Variants in FAF1 observed in about 807,000 individuals in gnomAD.
FAF1 encodes FAS-associated factor 1.
A neutral mutation model predicts 92.5 loss-of-function variants in FAF1; 25 were observed. The ratio of observed to expected loss-of-function variants is 0.27; its 90% confidence interval spans 0.20 to 0.38. The LOEUF (loss-of-function observed/expected upper bound fraction) is 0.38, where lower values mean the gene tolerates loss of function less well. Ranked by LOEUF, FAF1 falls within the 10% of genes least tolerant of loss-of-function variation. The pLI, the probability that FAF1 is intolerant of heterozygous loss-of-function variation, is 1.00. For synonymous variants in FAF1, 234 were observed against 273.2 expected, an observed-to-expected ratio of 0.86 and a Z score of 1.42; for missense variants, 636 against 793.3, an observed-to-expected ratio of 0.80 and a Z score of 2.38.
rs959169155 is a variant in FAF1, at chr1:50,822,764, T to C, written c.115-21087A>G. 4.1e-5 allele frequency among the ~76,000 whole-genome samples: 6 copies of C among 147,204 alleles called. 1 individual carries two copies. The highest frequency in any genetic ancestry group is 1.6e-4 in the African/African-American group (6 of 38,170). ...TGGTGTTTTTTCTTTCTTTCTTTCT[T>C]TCTTTCTTTCTTTTTTTTTTTTTTT... On this transcript the variant is annotated intron_variant, in intron 2 of 18. Transcript: ENST00000396153.
At chr1:50,531,817 T>G (rs1648186704) in intron 15 of FAF1, among the ~76,000 whole-genome samples, 1 of 152,182 alleles carries the variant, frequency 6.6e-6, no homozygotes, top group South Asian at 2.1e-4. Flanking sequence ...ATAAATATGG[T>G]TCAGGCTTGG....
intron 2 of FAF1, among the ~76,000 whole-genome samples, chr1:50,830,171 G>A (rs1445467107): frequency 6.6e-6 from 1 of 152,126 alleles, no homozygotes; most frequent in Non-Finnish European, 1.5e-5. Flanking sequence ...AAGGTGGAGT[G>A]CAGTGGCATG....
At chr1:50,676,475 A>T (rs1037265888) in intron 7 of FAF1, among the ~76,000 whole-genome samples, 3 of 151,996 alleles carry the variant, frequency 2.0e-5, no homozygotes, top group African/African-American at 7.2e-5. Flanking sequence ...AAAAAAAAAG[A>T]AAAATGTAAA....
At chr1:50,721,115 C>T (rs1658392388) in intron 6 of FAF1, among the ~76,000 whole-genome samples, 1 of 152,066 alleles carries the variant, frequency 6.6e-6, no homozygotes, top group African/African-American at 2.4e-5. Flanking sequence ...TATTGCTTCC[C>T]TACAATATCA....
intron 7 of FAF1, among the ~76,000 whole-genome samples, chr1:50,681,078 G>A (rs980036521): frequency 3.3e-5 from 5 of 152,000 alleles, no homozygotes; most frequent in South Asian, 4.2e-4. Context: ...ACAGAGTCTC[G>A]CTCTGTCACT....
chr1:50,504,305 T>C (rs562400713), intron 15 of FAF1, among the ~76,000 whole-genome samples: 1 of 152,134 alleles, frequency 6.6e-6, no homozygotes, highest in Admixed American at 6.5e-5. Context: ...GATTAAGCAA[T>C]ACCTAAAGAG....
Position 50,441,521 on chromosome 1 carries a change from T to C in FAF1, c.1872A>G (p.Val624=), listed in dbSNP as rs1646166199. ...KLLSTFPRRD[V]TQLDPNKSLL... is the part of the protein sequence containing the mutation. ...ATGATTTATTTGGGTCCAGTTGAGTTACCTAAAAAGATGAAGAACACATAT... is the reference window on the plus strand; with the variant it reads ...ATGATTTATTTGGGTCCAGTTGAGTCACCTAAAAAGATGAAGAACACATAT... The change falls in exon 19 of 19, where the codon GTA becomes GTG. Residue 624 remains valine, a splice_region_variant and synonymous_variant. Coordinates refer to ENST00000396153, the MANE Select transcript of FAF1 (RefSeq NM_007051.3). The C allele has an allele frequency of 1.3e-6, 2 of 1,534,262 alleles. No homozygotes were observed. The highest frequency in any genetic ancestry group is 1.8e-6 in the Non-Finnish European group (2 of 1,133,380).
chr1:50,528,863 G>C (rs1015319208), intron 15 of FAF1, among the ~76,000 whole-genome samples: 1 of 152,110 alleles, frequency 6.6e-6, no homozygotes, highest in African/African-American at 2.4e-5. Context: ...CAAGAACAAA[G>C]ACCTTTATGA....
chr1:50,762,714 T>A (rs1032550087), intron 4 of FAF1, among the ~76,000 whole-genome samples: 5 of 152,126 alleles, frequency 3.3e-5, no homozygotes, highest in Non-Finnish European at 7.4e-5. Context: ...ACTTAAATGT[T>A]AGACCTAAAA....
At chr1:50,588,449 TTGATGAAAAAGTTACCTCTTCCAG>T (rs1288858766) in intron 9 of FAF1, among the ~76,000 whole-genome samples, 1 of 152,148 alleles carries the variant, frequency 6.6e-6, no homozygotes, top group Non-Finnish European at 1.5e-5. Flanking sequence ...GTCTGTGCAT[TTGATGAAAAAGTTACCTCTTCCAG>T]ACTTTATGGG....
At chr1:50,804,689 TAAG>T (rs1489362313) in intron 2 of FAF1, among the ~76,000 whole-genome samples, 6 of 152,188 alleles carry the variant, frequency 3.9e-5, no homozygotes, top group African/African-American at 1.2e-4. Flanking sequence ...ACAGAAACTG[TAAG>T]AAGAACAGCT....
chr1:50,782,909 C>G (rs955653406), intron 4 of FAF1, among the ~76,000 whole-genome samples: 6 of 151,896 alleles, frequency 4.0e-5, no homozygotes, highest in Non-Finnish European at 5.9e-5. Flanking sequence ...TAGTAAGCAT[C>G]CCATTAAGGT....
rs545695989 is a variant in FAF1 at position 50,493,232 on chromosome 1, C to T, written c.1495-1431G>A. ...ATTTTTAGTAGAGATGGGGTTTCAC[C>T]ATATTAGCCAGGCTGGTCTCGAACT... is the stretch of plus-strand genomic sequence containing the variant. On this transcript the variant is annotated intron_variant, in intron 15 of 18. Coordinates refer to ENST00000396153, the MANE Select transcript of FAF1 (RefSeq NM_007051.3). Among the ~76,000 whole-genome samples, 9 of 152,134 alleles carry T rather than the reference C, an allele frequency of 5.9e-5. No individual in the cohort carries two copies. In the South Asian group the frequency reaches 1.9e-3, roughly 32 times the overall value.
At chr1:50,874,995 G>A (rs1644558865) in intron 1 of FAF1, among the ~76,000 whole-genome samples, 1 of 150,720 alleles carries the variant, frequency 6.6e-6, no homozygotes, top group East Asian at 1.9e-4. Context: ...TGCCCAAGTT[G>A]GTATCTCATT....
At chr1:50,730,083 G>C (rs1658855113) in intron 6 of FAF1, among the ~76,000 whole-genome samples, 2 of 152,060 alleles carry the variant, frequency 1.3e-5, no homozygotes, top group Admixed American at 1.3e-4. Context: ...TCCTCTGGAG[G>C]GTGAAGGGGG....
intron 1 of FAF1, among the ~76,000 whole-genome samples, chr1:50,938,676 G>C (rs1472878423): frequency 6.6e-6 from 1 of 152,106 alleles, no homozygotes; most frequent in African/African-American, 2.4e-5. Context: ...GATATTTCCT[G>C]GGTTTTCTTC....
At chr1:50,906,327 T>C (rs935537458) in intron 1 of FAF1, among the ~76,000 whole-genome samples, 2 of 152,226 alleles carry the variant, frequency 1.3e-5, no homozygotes, top group Admixed American at 6.5e-5. Flanking sequence ...CCTCCAGCTT[T>C]GTTCTTTTGG....
chr1:50,923,100 T>C (rs1293348742), intron 1 of FAF1, among the ~76,000 whole-genome samples: 1 of 152,138 alleles, frequency 6.6e-6, no homozygotes. Flanking sequence ...AGAGCCATAA[T>C]GAGCAACAAG....
At chr1:50,616,768 C>A (rs1652933073) in intron 8 of FAF1, among the ~76,000 whole-genome samples, 1 of 151,852 alleles carries the variant, frequency 6.6e-6, no homozygotes, top group Non-Finnish European at 1.5e-5. Context: ...GCAACCTCCA[C>A]CTCCTGGATT....
Sources: gnomAD v4.1 joint callset for allele counts (sites outside exome capture counted in the v4.1 genomes callset) on GRCh38, gnomAD v4.1.1 for gene constraint, MANE v1.5 for transcripts, NCBI Gene and HGNC (gene_info 2026-07-23, HGNC 2026-07-21) for gene names.